The following UNC80 variants were observed in gnomAD, a reference collection of about 807,000 sequenced individuals.
UNC80 encodes the protein protein unc-80 homolog.
In UNC80, 164 loss-of-function variants were observed where a neutral mutation model predicts 384.6. That is an observed-to-expected ratio of 0.43 (90% CI 0.38 to 0.49). The LOEUF is 0.49. Ranked by LOEUF, UNC80 falls within the 20% of genes least tolerant of loss-of-function variation. The pLI is 0.00. For missense variants in UNC80, 3,330 were observed against 4,143.0 expected, an observed-to-expected ratio of 0.80 and a Z score of 5.39; for synonymous variants, 1,486 against 1,527.8, an observed-to-expected ratio of 0.97 and a Z score of 0.64.
chr2:209,955,152 C>T (rs1177027044), intron 48 of UNC80, among the ~76,000 whole-genome samples: 1 of 152,008 alleles, frequency 6.6e-6, no homozygotes, highest in Non-Finnish European at 1.5e-5. Flanking sequence ...TCCTCCATTC[C>T]ATTCTGCCAT....
chr2:209,964,051 A>G (rs2092674403), intron 51 of UNC80, among the ~76,000 whole-genome samples: 1 of 152,226 alleles, frequency 6.6e-6, no homozygotes, highest in African/African-American at 2.4e-5. Context: ...CTTGGCTGTG[A>G]TTCCTAAACC....
At chr2:209,836,427 T>C (rs1210389763) in intron 18 of UNC80, among the ~76,000 whole-genome samples, 1 of 152,184 alleles carries the variant, frequency 6.6e-6, no homozygotes, top group Non-Finnish European at 1.5e-5. Flanking sequence ...CAAATTGGAC[T>C]TAAAAAATAA....
intron 47 of UNC80, among the ~76,000 whole-genome samples, chr2:209,949,118 C>T (rs1028669575): frequency 6.6e-6 from 1 of 152,102 alleles, no homozygotes; most frequent in Non-Finnish European, 1.5e-5. Flanking sequence ...AGCATTTTTA[C>T]AACTATGTTA....
chr2:209,994,087 C>T lies in UNC80; in HGVS notation c.9531C>T (p.Thr3177=). 1 of 1,551,146 alleles carries T rather than the reference C, an allele frequency of 6.4e-7. No individual in the cohort carries two copies. The highest frequency in any genetic ancestry group is 8.7e-7 in the Non-Finnish European group (1 of 1,146,686). Reference sequence around the variant, plus strand: ...CAGCGGATCAGAAACGATCTGTGACCTTCATTGAGGCTCAGCCAGAGCCAG... The same window carrying T: ...CAGCGGATCAGAAACGATCTGTGACTTTCATTGAGGCTCAGCCAGAGCCAG... The part of the protein sequence containing the change: ...KPSADQKRSV[T]FIEAQPEPAA... The change falls in exon 64 of 65, where the codon ACC becomes ACT. Residue 3177 remains threonine (T), a synonymous_variant. Coordinates refer to ENST00000673920, the MANE Select transcript of UNC80 (RefSeq NM_001371986.1).
At chr2:209,942,991 T>A (rs1559369862) in intron 44 of UNC80, among the ~76,000 whole-genome samples, 1 of 152,206 alleles carries the variant, frequency 6.6e-6, no homozygotes, top group Admixed American at 6.5e-5. Flanking sequence ...TTTTTAAAAT[T>A]ACTGCACAGC....
chr2:209,779,885 C>T (rs528265164), intron 4 of UNC80, among the ~76,000 whole-genome samples: 1 of 152,318 alleles, frequency 6.6e-6, no homozygotes, highest in Non-Finnish European at 1.5e-5. Context: ...TAAGACATAG[C>T]TGTGAGTCTA....
chr2:209,910,856 A>G (rs1222248214), intron 29 of UNC80, among the ~76,000 whole-genome samples: 1 of 152,198 alleles, frequency 6.6e-6, no homozygotes, highest in Non-Finnish European at 1.5e-5. Flanking sequence ...ATAAAATCAT[A>G]GTAAAATGAA....
intron 7 of UNC80, among the ~76,000 whole-genome samples, chr2:209,798,848 T>A (rs1411008940): frequency 1.4e-5 from 2 of 146,902 alleles, no homozygotes; most frequent in African/African-American, 5.0e-5. Flanking sequence ...TGGCTAATTT[T>A]TTTTTTTTTT....
intron 28 of UNC80, among the ~76,000 whole-genome samples, chr2:209,902,003 C>T (rs2087469589): frequency 1.3e-5 from 2 of 151,712 alleles, no homozygotes; most frequent in South Asian, 2.1e-4. Flanking sequence ...TGTGATGGAT[C>T]TTGGCAAAGT....
At chr2:209,923,542 G>T (rs138755815) in intron 35 of UNC80, among the ~76,000 whole-genome samples, 11 of 152,160 alleles carry the variant, frequency 7.2e-5, no homozygotes, top group Middle Eastern at 3.4e-3. Flanking sequence ...TATATTTATG[G>T]TTTTTCAGTT....
intron 28 of UNC80, among the ~76,000 whole-genome samples, chr2:209,902,929 G>A (rs1433980657): frequency 1.3e-5 from 2 of 151,028 alleles, no homozygotes; most frequent in African/African-American, 4.9e-5. Context: ...GTGTGTGTGT[G>A]TGTGTGTGTG....
chr2:209,881,885 C>A (rs1410820078), intron 25 of UNC80, among the ~76,000 whole-genome samples: 2 of 152,086 alleles, frequency 1.3e-5, no homozygotes, highest in Non-Finnish European at 2.9e-5. Flanking sequence ...AGACTATCTC[C>A]CAGAGCAATC....
Position 209,834,249 on chromosome 2 carries a change from C to T in UNC80, c.2942+81C>T, listed in dbSNP as rs545269664. The T allele has an allele frequency of 2.1e-6, 3 of 1,440,750 alleles. No homozygotes were observed. In the East Asian group the frequency reaches 7.5e-5, roughly 36 times the overall value. The allele number at this position is 1,440,750 out of a possible 1,614,324, so 89.2% of individuals were successfully genotyped here. ...ATCTGTTGTACTGTTTGTGTGGTTC[C>T]TGTGCTGAAATGTCAGCATAGGAAT... is the stretch of plus-strand genomic sequence containing the variant. On this transcript the variant is annotated intron_variant, in intron 17 of 64. Transcript: ENST00000673920.
At chr2:209,862,376 T>C (rs745993764) in intron 22 of UNC80, among the ~76,000 whole-genome samples, 1 of 152,170 alleles carries the variant, frequency 6.6e-6, no homozygotes, top group Non-Finnish European at 1.5e-5. Context: ...CTGAATATTC[T>C]CGTTAATTTT....
At chr2:209,904,704 T>C in intron 28 of UNC80, 61 bp from the exon 29 acceptor site, 1 of 1,416,108 alleles carries the variant, frequency 7.1e-7, no homozygotes, top group Non-Finnish European at 9.8e-7. Context: ...ACCCCATAGA[T>C]ATGTTCAGTT....
rs2087424796 is a variant in UNC80 at position 209,901,695 on chromosome 2, G to C, written c.4582-3070G>C. Among the ~76,000 whole-genome samples the C allele has an allele frequency of 2.0e-5, 3 of 152,156 alleles. No homozygotes were observed. In the South Asian group the frequency reaches 6.2e-4, roughly 32 times the overall value. ...TAATCCCAGCACTTTGGGAGGCCGA[G>C]ACAGGCGGATCACGAGGTCAGGAGA... On this transcript the variant is annotated intron_variant, in intron 28 of 64. Transcript: ENST00000673920.
chr2:209,896,229 A>G, intron 27 of UNC80, 84 bp from the exon 28 acceptor site: 1 of 1,250,920 alleles, frequency 8.0e-7, no homozygotes, highest in Non-Finnish European at 1.1e-6. Context: ...CCTAGGATTC[A>G]GAAGCATGGA....
intron 28 of UNC80, among the ~76,000 whole-genome samples, chr2:209,900,509 T>G (rs1178789226): frequency 6.6e-6 from 1 of 152,214 alleles, no homozygotes; most frequent in Non-Finnish European, 1.5e-5. Flanking sequence ...ACCAGCTGCT[T>G]CTTGTGTCTC....
At chr2:209,903,428 T>TTA (rs1285531735) in intron 28 of UNC80, among the ~76,000 whole-genome samples, 1 of 112,112 alleles carries the variant, frequency 8.9e-6, no homozygotes, top group Non-Finnish European at 1.7e-5. Flanking sequence ...TTATATATAT[T>TTA]TATATATATA....
Sources: gnomAD v4.1 joint callset for allele counts (sites outside exome capture counted in the v4.1 genomes callset) on GRCh38, gnomAD v4.1.1 for gene constraint, MANE v1.5 for transcripts, NCBI Gene and HGNC (gene_info 2026-07-23, HGNC 2026-07-21) for gene names.